The following SERTM1 variants were observed in gnomAD, a reference collection of about 807,000 sequenced individuals.
SERTM1 encodes the protein serine rich and transmembrane domain containing 1.
A neutral mutation model predicts 5.5 loss-of-function variants in SERTM1; 1 was observed. The ratio of observed to expected loss-of-function variants is 0.18; its 90% CI spans 0.06 to 0.86. The LOEUF (loss-of-function observed/expected upper bound fraction) is 0.86, where lower values mean the gene tolerates loss of function less well. Among genes scored for constraint, SERTM1 ranks in the 40% least tolerant of loss-of-function variants. The probability of loss-of-function intolerance (pLI) is 0.69; values close to 1 mark genes in which losing one functional copy is unlikely to be tolerated. For missense variants in SERTM1, 91 were observed against 122.4 expected (o/e 0.74, Z 1.21); for synonymous variants, 52 against 55.1 (o/e 0.94, Z 0.25).
At position 36,694,988 on chromosome 13, in the gene SERTM1, C is replaced by T. The variant is rs2056803322; in HGVS notation, c.-91C>T. ...TAACAGCCTGTGAATTCTGCAAACA[C>T]GATCGTGAAAAAATGCCAATCTGTC... On this transcript the variant is annotated 5_prime_UTR_variant, in exon 2 of 2. The change creates a new upstream start codon in the 5' untranslated region. Transcript: ENST00000315190. 11 of 918,112 alleles carry T rather than the reference C, an allele frequency of 1.2e-5. No individual in the cohort carries two copies. Among genetic ancestry groups the T allele is most frequent in the Admixed American group, 2.3e-5 (1 of 42,884 alleles). 56.9% of individuals were successfully genotyped at this position (918,112 alleles called of 1,614,324 possible). A position where few individuals can be genotyped will look rare whatever the true frequency, so the allele number is the denominator to read the frequency against.
chr13:36,681,975 T>C (rs1164813934), intron 1 of SERTM1, among the ~76,000 whole-genome samples: 1 of 152,258 alleles, frequency 6.6e-6, no homozygotes, highest in Non-Finnish European at 1.5e-5. Flanking sequence ...TTTTTAAAAG[T>C]ATGGGCATAG....
chr13:36,685,995 G>A (rs2056738592), intron 1 of SERTM1, among the ~76,000 whole-genome samples: 1 of 152,152 alleles, frequency 6.6e-6, no homozygotes, highest in South Asian at 2.1e-4. Flanking sequence ...TAAACTGCAG[G>A]AGAGATATCC....
At chr13:36,687,764 C>CACA (rs969345874) in intron 1 of SERTM1, among the ~76,000 whole-genome samples, 15 of 151,988 alleles carry the variant, frequency 9.9e-5, no homozygotes, top group South Asian at 2.1e-4. Context: ...CACACACGCA[C>CACA]ACAACAACAA....
At chr13:36,689,726 G>GAT (rs1197004766) in intron 1 of SERTM1, among the ~76,000 whole-genome samples, 1 of 150,814 alleles carries the variant, frequency 6.6e-6, no homozygotes, top group Non-Finnish European at 1.5e-5. Flanking sequence ...TATCAAGAAA[G>GAT]ATATATTGTG....
At chr13:36,683,510 C>T (rs1763371327) in intron 1 of SERTM1, among the ~76,000 whole-genome samples, 1 of 152,000 alleles carries the variant, frequency 6.6e-6, no homozygotes, top group Non-Finnish European at 1.5e-5. Context: ...AAATAAGCCC[C>T]AAATCTCAGT....
chr13:36,694,844 C>G (rs533333622), intron 1 of SERTM1, 62 bp from the exon 2 acceptor site: 1 of 518,970 alleles, frequency 1.9e-6, no homozygotes, highest in Non-Finnish European at 3.4e-6. Context: ...GAAATAAAAC[C>G]TAAAAATGGA....
chr13:36,675,510 C>T (rs540991214), intron 1 of SERTM1, among the ~76,000 whole-genome samples: 1 of 152,006 alleles, frequency 6.6e-6, no homozygotes, highest in Admixed American at 6.5e-5. Flanking sequence ...GCCCCATGCA[C>T]CCTCTGAAAA....
At position 36,695,458 on chromosome 13, in the gene SERTM1, T is replaced by C; in HGVS notation, c.*56T>C. On this transcript the variant is annotated 3_prime_UTR_variant, in exon 2 of 2. Transcript: ENST00000315190. Reference sequence around the variant, plus strand: ...CAGTTTTGACATCCCCTTACGGAAGTGTCCCGTGAGGCATTGCCTCATGAA... The same window carrying C: ...CAGTTTTGACATCCCCTTACGGAAGCGTCCCGTGAGGCATTGCCTCATGAA... 7.5e-7 allele frequency: 1 copy of C among 1,330,348 alleles called. No individual in the cohort carries two copies. The highest frequency in any genetic ancestry group is 1.1e-6 in the Non-Finnish European group (1 of 942,416). 82.4% of individuals were successfully genotyped at this position (1,330,348 alleles called of 1,614,324 possible). A position where few individuals can be genotyped will look rare whatever the true frequency, so the allele number is the denominator to read the frequency against.
rs1417819987 is a variant in SERTM1, at chr13:36,695,098, C to T, written c.20C>T (p.Ser7Phe). ...ATAAAGATGTCTGAACCTGACACTT[C>T]CTCAGGATTTTCGGGAAGTGTGGAG... Reference protein sequence around the residue: MSEPDTSSGFSGSVENG... With the variant: MSEPDTFSGFSGSVENG... Residue 7 changes from serine (S) to phenylalanine (F), a missense_variant, in exon 2 of 2, where the codon TCC becomes TTC. Ser to Phe is a radical substitution (Grantham distance 155, BLOSUM62 -2). Coordinates refer to ENST00000315190, the MANE Select transcript of SERTM1 (RefSeq NM_203451.3). The T allele has an allele frequency of 6.2e-7, 1 of 1,613,642 alleles. No homozygotes were observed. Among genetic ancestry groups the T allele is most frequent in the Non-Finnish European group, 8.5e-7 (1 of 1,179,844 alleles).
intron 1 of SERTM1, among the ~76,000 whole-genome samples, chr13:36,678,831 G>A (rs944918651): frequency 2.0e-5 from 3 of 151,802 alleles, no homozygotes; most frequent in South Asian, 2.1e-4. Context: ...CTTTGTGCAT[G>A]TACTTTTAAA....
intron 1 of SERTM1, among the ~76,000 whole-genome samples, chr13:36,674,760 GGA>G (rs759968087): frequency 2.0e-5 from 3 of 152,142 alleles, no homozygotes; most frequent in Non-Finnish European, 4.4e-5. Context: ...CTAAGGCGCT[GGA>G]GAGTCTTTTC....
intron 1 of SERTM1, among the ~76,000 whole-genome samples, chr13:36,691,068 T>A (rs149914105): frequency 0.015 from 2,332 of 152,340 alleles, 24 homozygotes; most frequent in Non-Finnish European, 0.023. Context: ...TGTGCCATAT[T>A]TGAGGCTGAC....
At chr13:36,693,142 C>A (rs1357434797) in intron 1 of SERTM1, among the ~76,000 whole-genome samples, 2 of 152,196 alleles carry the variant, frequency 1.3e-5, no homozygotes, top group East Asian at 3.8e-4. Context: ...TGACTTTTGT[C>A]AAATCAATTA....
At position 36,687,761 on chromosome 13, in the gene SERTM1, G is replaced by A. The variant is rs542290995; in HGVS notation, c.-173-7145G>A. ...ATTAAAAATACACACACACACACAC[G>A]CACACAACAACAACAACAACGTAAT... is the stretch of plus-strand genomic sequence containing the variant. On this transcript the variant is annotated intron_variant, in intron 1 of 1. Coordinates refer to ENST00000315190, the MANE Select transcript of SERTM1 (RefSeq NM_203451.3). Among the ~76,000 whole-genome samples, 5 of 151,534 alleles carry A rather than the reference G, an allele frequency of 3.3e-5. No homozygotes were observed. In the South Asian group the frequency reaches 6.3e-4, roughly 19 times the overall value.
intron 1 of SERTM1, among the ~76,000 whole-genome samples, chr13:36,693,301 G>C (rs1013413746): frequency 6.6e-6 from 1 of 151,982 alleles, no homozygotes; most frequent in Non-Finnish European, 1.5e-5. Flanking sequence ...CCCCAAAGAT[G>C]AACGGCTGGA....
chr13:36,676,487 A>G (rs1378951766), intron 1 of SERTM1, among the ~76,000 whole-genome samples: 1 of 152,172 alleles, frequency 6.6e-6, no homozygotes, highest in Non-Finnish European at 1.5e-5. Flanking sequence ...GAAGTGAAAA[A>G]TAAAATTATG....
chr13:36,686,718 C>A (rs749117700), intron 1 of SERTM1, among the ~76,000 whole-genome samples: 1 of 152,114 alleles, frequency 6.6e-6, no homozygotes, highest in Non-Finnish European at 1.5e-5. Flanking sequence ...GTATAATTAT[C>A]TAATGTACAG....
At chr13:36,685,233 G>A (rs1285222770) in intron 1 of SERTM1, among the ~76,000 whole-genome samples, 1 of 152,212 alleles carries the variant, frequency 6.6e-6, no homozygotes, top group Non-Finnish European at 1.5e-5. Context: ...GAGAGAAACA[G>A]AGAGCATTGG....
At chr13:36,684,464 A>T (rs1307762248) in intron 1 of SERTM1, among the ~76,000 whole-genome samples, 3 of 152,168 alleles carry the variant, frequency 2.0e-5, no homozygotes, top group African/African-American at 7.2e-5. Context: ...AGCAGCCATC[A>T]TTTATGTTAC....
Sources: gnomAD v4.1 joint callset for allele counts (sites outside exome capture counted in the v4.1 genomes callset) on GRCh38, gnomAD v4.1.1 for gene constraint, MANE v1.5 for transcripts, NCBI Gene and HGNC (gene_info 2026-07-23, HGNC 2026-07-21) for gene names.